CLASP1: variants seen among roughly 807,000 people sequenced by gnomAD.
CLASP1 encodes the protein CLIP-associating protein 1.
CLASP1 carries 38 observed loss-of-function variants against 192.3 expected under a neutral mutation model. The ratio of observed to expected loss-of-function variants is 0.20; its 90% CI spans 0.15 to 0.26. CLASP1 has a LOEUF of 0.26. CLASP1 is among the 10% of genes least tolerant of loss of function. CLASP1 has a pLI of 1.00. For missense variants in CLASP1, 1,433 were observed against 1,932.5 expected, an observed-to-expected ratio of 0.74 and a Z score of 4.85; for synonymous variants, 691 against 712.8, an observed-to-expected ratio of 0.97 and a Z score of 0.49.
intron 6 of CLASP1, among the ~76,000 whole-genome samples, chr2:121,521,322 G>A (rs941542744): frequency 1.3e-5 from 2 of 152,232 alleles, no homozygotes; most frequent in South Asian, 4.1e-4. Context: ...CTGCTTACGT[G>A]TATGTTTGAA....
At chr2:121,646,260 A>C (rs1057156213) in intron 1 of CLASP1, among the ~76,000 whole-genome samples, 1 of 152,098 alleles carries the variant, frequency 6.6e-6, no homozygotes. Flanking sequence ...CTACAGGTGC[A>C]CACCACTATC....
chr2:121,591,026 C>T (rs905429787), intron 2 of CLASP1, among the ~76,000 whole-genome samples: 5 of 152,144 alleles, frequency 3.3e-5, no homozygotes, highest in Admixed American at 3.3e-4. Context: ...CACCACCACG[C>T]CCAGCTAATT....
intron 8 of CLASP1, among the ~76,000 whole-genome samples, chr2:121,502,854 G>C (rs1444064614): frequency 6.6e-6 from 1 of 152,216 alleles, no homozygotes; most frequent in Admixed American, 6.5e-5. Flanking sequence ...GGAAACACAA[G>C]AGCCCAGGTA....
At chr2:121,477,138 T>C (rs962053994) in intron 8 of CLASP1, among the ~76,000 whole-genome samples, 4 of 152,144 alleles carry the variant, frequency 2.6e-5, no homozygotes, top group African/African-American at 4.8e-5. Flanking sequence ...GTCCCTGGAG[T>C]AGGGACCACT....
intron 2 of CLASP1, among the ~76,000 whole-genome samples, chr2:121,573,583 T>C (rs546961235): frequency 6.6e-6 from 1 of 152,342 alleles, no homozygotes; most frequent in Admixed American, 6.5e-5. Context: ...AAATCTGAAA[T>C]GTTGAATTAG....
intron 2 of CLASP1, among the ~76,000 whole-genome samples, chr2:121,568,606 C>G (rs1443743300): frequency 6.6e-6 from 1 of 151,392 alleles, no homozygotes; most frequent in Non-Finnish European, 1.5e-5. Context: ...AGGACTGATT[C>G]TAAATGTCTT....
intron 2 of CLASP1, among the ~76,000 whole-genome samples, chr2:121,540,918 G>A (rs1465239229): frequency 6.6e-6 from 1 of 152,122 alleles, no homozygotes; most frequent in Non-Finnish European, 1.5e-5. Context: ...TGGTGGCGAT[G>A]TCCTAAGCAA....
chr2:121,501,123 A>G lies in CLASP1; in HGVS notation c.712+2044T>C, dbSNP rs1048405859. 1.6e-4 allele frequency among the ~76,000 whole-genome samples: 24 copies of G among 152,280 alleles called. No individual in the cohort carries two copies. The South Asian group carries it at 3.7e-3, about 24-fold the overall frequency. Reference sequence around the variant, plus strand: ...AGTGTGGATGCAGTCTTTCTCCCCAATGCCAGCACTATAATGAGATTCTGT... The same window carrying G: ...AGTGTGGATGCAGTCTTTCTCCCCAGTGCCAGCACTATAATGAGATTCTGT... On this transcript the variant is annotated intron_variant, in intron 8 of 39. Coordinates refer to ENST00000263710, the Ensembl canonical transcript of CLASP1.
At chr2:121,483,633 T>C (rs528305295) in intron 8 of CLASP1, among the ~76,000 whole-genome samples, 446 of 151,974 alleles carry the variant, frequency 2.9e-3, no homozygotes, top group Non-Finnish European at 4.8e-3. Flanking sequence ...CTCCAATTAA[T>C]ATTAATATGT....
At chr2:121,595,374 C>A (rs773397737) in intron 2 of CLASP1, among the ~76,000 whole-genome samples, 8 of 152,210 alleles carry the variant, frequency 5.3e-5, no homozygotes, top group Admixed American at 1.3e-4. Flanking sequence ...CACATAATGG[C>A]GCTTAATAAG....
intron 2 of CLASP1, among the ~76,000 whole-genome samples, chr2:121,589,666 G>A (rs1319438947): frequency 6.6e-6 from 1 of 150,574 alleles, no homozygotes; most frequent in Non-Finnish European, 1.5e-5. Flanking sequence ...TTATTTAACA[G>A]TATTATTTGC....
At chr2:121,437,662 T>G (rs772246592) in intron 19 of CLASP1, among the ~76,000 whole-genome samples, 1 of 152,238 alleles carries the variant, frequency 6.6e-6, no homozygotes, top group Non-Finnish European at 1.5e-5. Flanking sequence ...AGAGTTAAGA[T>G]GGGCAAATTT....
chr2:121,482,039 C>T (rs539711799), intron 8 of CLASP1, among the ~76,000 whole-genome samples: 5 of 152,306 alleles, frequency 3.3e-5, no homozygotes, highest in Non-Finnish European at 5.9e-5. Flanking sequence ...CACCAACCAA[C>T]CCTCGGATGT....
chr2:121,464,989 T>C (rs2089206630), intron 9 of CLASP1, among the ~76,000 whole-genome samples: 1 of 152,184 alleles, frequency 6.6e-6, no homozygotes, highest in Non-Finnish European at 1.5e-5. Flanking sequence ...CTAAAAACTC[T>C]CAATAAATTA....
intron 23 of CLASP1, 60 bp downstream of exon 23, chr2:121,418,562 G>T: frequency 1.7e-6 from 2 of 1,177,020 alleles, no homozygotes; most frequent in Non-Finnish European, 1.3e-6. Context: ...GCCTAGCAGT[G>T]TCTCGGACAA....
chr2:121,530,941 T>G (rs1013303035), intron 2 of CLASP1: 1 of 700,438 alleles, frequency 1.4e-6, no homozygotes, highest in Non-Finnish European at 2.6e-6. Context: ...GCAGTACTGC[T>G]AACGCCTGAA....
At chr2:121,511,539 G>T (rs2094134852) in intron 7 of CLASP1, among the ~76,000 whole-genome samples, 1 of 149,622 alleles carries the variant, frequency 6.7e-6, no homozygotes, top group Non-Finnish European at 1.5e-5. Context: ...AGTGAGCCAA[G>T]ATCACACCAC....
At chr2:121,480,207 C>T (rs758131108) in intron 8 of CLASP1, among the ~76,000 whole-genome samples, 7 of 152,134 alleles carry the variant, frequency 4.6e-5, no homozygotes, top group East Asian at 1.9e-4. Flanking sequence ...GGGACGACAC[C>T]GGGGAAAGAC....
chr2:121,516,835 T>C (rs2094311478), intron 6 of CLASP1, among the ~76,000 whole-genome samples: 1 of 151,672 alleles, frequency 6.6e-6, no homozygotes, highest in Non-Finnish European at 1.5e-5. Flanking sequence ...AAGACCAGCC[T>C]GGCCAACATG....
Sources: gnomAD v4.1 joint callset for allele counts (sites outside exome capture counted in the v4.1 genomes callset) on GRCh38, gnomAD v4.1.1 for gene constraint, MANE v1.5 for transcripts, NCBI Gene and HGNC (gene_info 2026-07-23, HGNC 2026-07-21) for gene names.